ELP3: variants seen among roughly 807,000 people sequenced by gnomAD.
ELP3 encodes elongator acetyltransferase complex subunit 3.
ELP3 carries 56 observed loss-of-function variants against 74.9 expected under a neutral mutation model. The observed-to-expected ratio is 0.75, with a 90% CI of 0.60 to 0.93. The LOEUF (loss-of-function observed/expected upper bound fraction) is 0.93, where lower values mean the gene tolerates loss of function less well. ELP3 is among the 40% of genes least tolerant of loss of function. The pLI is 0.00. For synonymous variants in ELP3, 222 were observed against 239.8 expected, an observed-to-expected ratio of 0.93 and a Z score of 0.68; for missense variants, 573 against 686.5, an observed-to-expected ratio of 0.83 and a Z score of 1.85.
At chr8:28,185,029 G>C (rs1346986263) in intron 14 of ELP3, among the ~76,000 whole-genome samples, 1 of 152,074 alleles carries the variant, frequency 6.6e-6, no homozygotes, top group Non-Finnish European at 1.5e-5. Flanking sequence ...CTGAGTGATG[G>C]GTGCAGGGAG....
intron 3 of ELP3, among the ~76,000 whole-genome samples, chr8:28,104,102 T>G (rs1182402119): frequency 3.9e-5 from 6 of 152,236 alleles, no homozygotes; most frequent in Admixed American, 3.9e-4. Context: ...AATTCCCTAA[T>G]GACATGATGT....
At chr8:28,122,325 A>G (rs537911884) in intron 7 of ELP3, among the ~76,000 whole-genome samples, 2 of 152,268 alleles carry the variant, frequency 1.3e-5, no homozygotes, top group South Asian at 4.1e-4. Flanking sequence ...ACAAGTAAGG[A>G]TGTGTTGTTC....
At position 28,189,642 on chromosome 8, in the gene ELP3, T is replaced by G. The variant is rs752156714; in HGVS notation, c.1568-7T>G. 14 of 1,614,102 alleles carry G rather than the reference T, an allele frequency of 8.7e-6. No homozygotes were observed. In the East Asian group the frequency reaches 2.9e-4, roughly 33 times the overall value. ...ATGCTCCTTTTTTAACTTCGATTTT[T>G]CTGCAGGGGTCGGCACCAGGAATTA... is the stretch of plus-strand genomic sequence containing the variant. On this transcript the variant is annotated splice_polypyrimidine_tract_variant and splice_region_variant and intron_variant, in intron 14 of 14. Coordinates refer to ENST00000256398, the MANE Select transcript of ELP3 (RefSeq NM_018091.6).
At chr8:28,143,218 C>G (rs751266265) in intron 10 of ELP3, among the ~76,000 whole-genome samples, 24 of 151,888 alleles carry the variant, frequency 1.6e-4, no homozygotes, top group Non-Finnish European at 3.4e-4. Flanking sequence ...TGTATTACAT[C>G]TTGTGTTTCT....
At chr8:28,179,568 A>G (rs1814914794) in intron 14 of ELP3, among the ~76,000 whole-genome samples, 1 of 152,158 alleles carries the variant, frequency 6.6e-6, no homozygotes, top group African/African-American at 2.4e-5. Flanking sequence ...TGTGCACTTT[A>G]TTCCTATTAT....
chr8:28,162,848 A>G (rs900486130), intron 14 of ELP3, among the ~76,000 whole-genome samples: 1 of 152,208 alleles, frequency 6.6e-6, no homozygotes, highest in African/African-American at 2.4e-5. Flanking sequence ...AGATCCCTCA[A>G]GGTGCCCCTC....
chr8:28,121,319 TTATTA>T (rs1160107587), intron 7 of ELP3, among the ~76,000 whole-genome samples: 2 of 148,010 alleles, frequency 1.4e-5, no homozygotes, highest in East Asian at 4.1e-4. Flanking sequence ...ATTATTATTA[TTATTA>T]TTTTTTTTTT....
chr8:28,129,887 C>T lies in ELP3; in HGVS notation c.779+224C>T, dbSNP rs1466879051. On this transcript the variant is annotated intron_variant, in intron 8 of 14. Coordinates refer to ENST00000256398, the MANE Select transcript of ELP3 (RefSeq NM_018091.6). ...TCTTTTCCAGCAGCCTGTAAACACA[C>T]TCATCTCTCTCCCTCTTCTTGTCCT... Among the ~76,000 whole-genome samples the T allele has an allele frequency of 3.3e-5, 5 of 152,208 alleles. No homozygotes were observed. The East Asian group carries it at 9.6e-4, about 29-fold the overall frequency.
chr8:28,160,135 A>G, intron 12 of ELP3, 94 bp from the exon 13 acceptor site: 1 of 1,103,298 alleles, frequency 9.1e-7, no homozygotes, highest in South Asian at 1.6e-5. Flanking sequence ...CTTATCCCTA[A>G]CTAGATATTA....
At position 28,097,327 on chromosome 8, in the gene ELP3, A is replaced by C. The variant is rs372533677; in HGVS notation, c.119+9A>C. On this transcript the variant is annotated intron_variant, in intron 2 of 14. Coordinates refer to ENST00000256398, the MANE Select transcript of ELP3 (RefSeq NM_018091.6). ...GACATCGATCTAAATAAGTAAGTGGATATAAAGAGAGAGCAAGCTTGTTCT... is the reference window on the plus strand; with the variant it reads ...GACATCGATCTAAATAAGTAAGTGGCTATAAAGAGAGAGCAAGCTTGTTCT... 1.5e-4 allele frequency: 236 copies of C among 1,590,930 alleles called. 2 individuals are homozygous for C. The African/African-American group carries it at 2.8e-3, about 19-fold the overall frequency.
chr8:28,188,727 T>C (rs1252783935), intron 14 of ELP3, among the ~76,000 whole-genome samples: 2 of 152,216 alleles, frequency 1.3e-5, no homozygotes, highest in African/African-American at 4.8e-5. Flanking sequence ...TGTAATAAAC[T>C]GGTAAACGTA....
In ELP3 at chr8:28,189,883, C is replaced by T. The variant is rs748313177; in HGVS notation, c.*158C>T. On this transcript the variant is annotated 3_prime_UTR_variant, in exon 15 of 15. Coordinates refer to ENST00000256398, the MANE Select transcript of ELP3 (RefSeq NM_018091.6). ...CTGGAAACTGCCTTCAAGGCCACGG[C>T]TGGTCATCTGCTGACCACACCCCAG... The T allele has an allele frequency of 2.7e-4, 194 of 717,758 alleles. 1 individual carries two copies. Among genetic ancestry groups the T allele is most frequent in the Non-Finnish European group, 4.0e-4 (176 of 437,106 alleles). 44.5% of individuals were successfully genotyped at this position (717,758 alleles called of 1,614,324 possible). A position where few individuals can be genotyped will look rare whatever the true frequency, so the allele number is the denominator to read the frequency against.
intron 3 of ELP3, among the ~76,000 whole-genome samples, chr8:28,101,965 T>C (rs1054682128): frequency 1.3e-5 from 2 of 152,226 alleles, no homozygotes; most frequent in African/African-American, 4.8e-5. Flanking sequence ...TCAGCCTGAC[T>C]GGCAAACCGA....
chr8:28,121,191 C>G (rs933419386), intron 7 of ELP3, among the ~76,000 whole-genome samples: 3 of 152,092 alleles, frequency 2.0e-5, no homozygotes, highest in East Asian at 1.9e-4. Flanking sequence ...TTTTTAAATT[C>G]TCTTAGCAAT....
Position 28,147,602 on chromosome 8 carries a change from C to T in ELP3, c.1101-8340C>T, listed in dbSNP as rs533080136. Reference sequence around the variant, plus strand: ...AATTTATATATAGAAATAGTTATAGCGTGTATGTTTATATATATAAATATA... The same window carrying T: ...AATTTATATATAGAAATAGTTATAGTGTGTATGTTTATATATATAAATATA... On this transcript the variant is annotated intron_variant, in intron 10 of 14. Coordinates refer to ENST00000256398, the MANE Select transcript of ELP3 (RefSeq NM_018091.6). The surrounding 1 kb of genome is among the most constrained non-coding windows in gnomAD (Gnocchi z 4.5). Among the ~76,000 whole-genome samples the T allele has an allele frequency of 2.0e-5, 3 of 152,066 alleles. No individual in the cohort carries two copies. Among genetic ancestry groups the T allele is most frequent in the East Asian group, 1.9e-4 (1 of 5,172 alleles).
chr8:28,154,937 G>C (rs1813771108), intron 10 of ELP3, among the ~76,000 whole-genome samples: 1 of 152,160 alleles, frequency 6.6e-6, no homozygotes, highest in Non-Finnish European at 1.5e-5. Flanking sequence ...CTGGCTTCCA[G>C]AGCCTAACAG....
At chr8:28,167,014 G>T (rs768808663) in intron 14 of ELP3, among the ~76,000 whole-genome samples, 13 of 152,238 alleles carry the variant, frequency 8.5e-5, no homozygotes, top group Non-Finnish European at 1.8e-4. Context: ...AAGGCCGATG[G>T]ATCACACAGT....
intron 7 of ELP3, among the ~76,000 whole-genome samples, chr8:28,121,829 C>G (rs921467194): frequency 3.3e-5 from 5 of 152,158 alleles, no homozygotes; most frequent in African/African-American, 1.2e-4. Flanking sequence ...GTATGCTTTT[C>G]TTTCTCTTGC....
intron 10 of ELP3, among the ~76,000 whole-genome samples, chr8:28,150,266 A>G (rs1207446585): frequency 6.6e-6 from 1 of 152,208 alleles, no homozygotes; most frequent in Non-Finnish European, 1.5e-5. Context: ...AAAATAAGAA[A>G]AAGGAAAGGT....
Sources: allele counts gnomAD v4.1 joint callset (sites outside exome capture counted in the v4.1 genomes callset), GRCh38; gene constraint gnomAD v4.1.1; non-coding constraint Gnocchi (gnomAD v3.1); transcripts MANE v1.5; gene names NCBI Gene and HGNC (gene_info 2026-07-23, HGNC 2026-07-21).